The following NR5A2 variants were observed in gnomAD, a reference collection of about 807,000 sequenced individuals.
NR5A2 encodes CYP7A promoter-binding factor.
Under a neutral mutation model 62.7 loss-of-function variants are expected in NR5A2, and 26 were observed. That is an observed-to-expected ratio of 0.41 (90% CI 0.30 to 0.58). The LOEUF (loss-of-function observed/expected upper bound fraction) is 0.58. Among genes scored for constraint, NR5A2 ranks in the 20% least tolerant of loss-of-function variants. The probability of loss-of-function intolerance (pLI) is 0.22; values close to 1 mark genes in which losing one functional copy is unlikely to be tolerated. For synonymous variants in NR5A2, 246 were observed against 241.7 expected, an observed-to-expected ratio of 1.02 and a Z score of -0.16; for missense variants, 541 against 669.1, an observed-to-expected ratio of 0.81 and a Z score of 2.11.
At position 200,043,060 on chromosome 1, in the gene NR5A2, C is replaced by CAG. The variant is rs1558099737; in HGVS notation, c.203-714_203-713insAG. 3.2e-6 allele frequency: 3 copies of CAG among 945,736 alleles called. No individual in the cohort carries two copies. The African/African-American group carries it at 5.3e-5, about 17-fold the overall frequency. 58.6% of individuals were successfully genotyped at this position (945,736 alleles called of 1,614,324 possible). A position where few individuals can be genotyped will look rare whatever the true frequency, so the allele number is the denominator to read the frequency against. ...AAAACCCTTCTGTGTGTCTTTTACT[C>CAG]TTCTGGTATTTTTCCCCGTACGGGC... On this transcript the variant is annotated intron_variant, in intron 2 of 7. Coordinates refer to ENST00000367362, the MANE Select transcript of NR5A2 (RefSeq NM_205860.3).
At chr1:200,112,842 C>T (rs1666021914) in intron 6 of NR5A2, among the ~76,000 whole-genome samples, 1 of 152,144 alleles carries the variant, frequency 6.6e-6, no homozygotes, top group African/African-American at 2.4e-5. Flanking sequence ...CTAGGAGCTG[C>T]ATTGGAAGTA....
chr1:200,147,546 T>C lies in NR5A2; in HGVS notation c.1379-26417T>C. The C allele has an allele frequency of 1.4e-6, 1 of 691,040 alleles. No homozygotes were observed. The highest frequency in any genetic ancestry group is 1.8e-5 in the Admixed American group (1 of 55,698). 42.8% of individuals were successfully genotyped at this position (691,040 alleles called of 1,614,324 possible). A position where few individuals can be genotyped will look rare whatever the true frequency, so the allele number is the denominator to read the frequency against. ...TTTGCTGTTTCTGTGATTTCCTTGG[T>C]TTCTCCATTGGTGTGCTTAAAGCGA... On this transcript the variant is annotated intron_variant, in intron 7 of 7. Coordinates refer to ENST00000367362, the MANE Select transcript of NR5A2 (RefSeq NM_205860.3). The surrounding 1 kb of genome is among the most constrained non-coding windows in gnomAD (Gnocchi z 4.9).
intron 1 of NR5A2, among the ~76,000 whole-genome samples, chr1:200,037,850 G>A (rs1275700953): frequency 3.3e-5 from 5 of 152,192 alleles, no homozygotes; most frequent in Non-Finnish European, 5.9e-5. Flanking sequence ...CCAGGTGTGG[G>A]TGGGTGATGA....
chr1:200,064,860 A>G (rs1663397408), intron 5 of NR5A2, among the ~76,000 whole-genome samples: 1 of 152,054 alleles, frequency 6.6e-6, no homozygotes, highest in South Asian at 2.1e-4. Context: ...CCTCTAGGTA[A>G]ATTTTGGTTA....
At chr1:200,133,588 C>T (rs185566564) in intron 7 of NR5A2, among the ~76,000 whole-genome samples, 2 of 123,646 alleles carry the variant, frequency 1.6e-5, no homozygotes, top group East Asian at 2.7e-4. Flanking sequence ...TATATATACA[C>T]ATATATATAT....
chr1:200,173,992 G>C lies in NR5A2; in HGVS notation c.1408G>C (p.Val470Leu). The change falls in exon 8 of 8, where the codon GTA (valine) becomes CTA (leucine). Residue 470 changes from valine (V) to leucine (L), a missense_variant. Around this residue, in one of 3 missense-constraint regions of NR5A2, gnomAD observed 379 missense variants for 442.0 expected, o/e 0.86. Coordinates refer to ENST00000367362, the MANE Select transcript of NR5A2 (RefSeq NM_205860.3). ...CAAAAACCTTGAAAACTTCCAGCTG[G>C]TAGAAGGTGTCCAGGAACAAGTCAA... ...DVKNLENFQLVEGVQEQVNAA... is the reference protein window; with the variant it reads ...DVKNLENFQLLEGVQEQVNAA... 1 of 1,517,678 alleles carries C rather than the reference G, an allele frequency of 6.6e-7. No individual in the cohort carries two copies. Among genetic ancestry groups the C allele is most frequent in the Admixed American group, 2.0e-5 (1 of 49,336 alleles). The allele number at this position is 1,517,678 out of a possible 1,614,324, so 94.0% of individuals were successfully genotyped here. A position where few individuals can be genotyped will look rare whatever the true frequency, so the allele number is the denominator to read the frequency against.
intron 6 of NR5A2, among the ~76,000 whole-genome samples, chr1:200,114,026 C>CA (rs1044692708): frequency 6.6e-6 from 1 of 151,794 alleles, no homozygotes; most frequent in Non-Finnish European, 1.5e-5. Flanking sequence ...ACTAAAAATA[C>CA]AAAAAAATTA....
At position 200,091,488 on chromosome 1, in the gene NR5A2, T is replaced by C. The variant is rs1196752175; in HGVS notation, c.1111-19714T>C. ...TCCTTACCCTTTGCTCTCTTTCTTT[T>C]TTTTTTTTTTTTTTGAGACAGAGTC... On this transcript the variant is annotated intron_variant, in intron 5 of 7. Coordinates refer to ENST00000367362, the MANE Select transcript of NR5A2 (RefSeq NM_205860.3). Among the ~76,000 whole-genome samples the C allele has an allele frequency of 2.0e-5, 3 of 149,228 alleles. No individual in the cohort carries two copies. The South Asian group carries it at 6.5e-4, about 32-fold the overall frequency.
At chr1:200,120,664 T>C (rs1056872117) in intron 6 of NR5A2, 144 bp from the exon 7 acceptor site, 1 of 825,644 alleles carries the variant, frequency 1.2e-6, no homozygotes, top group East Asian at 3.3e-5. Context: ...TCAAGACCAG[T>C]CTGGTCAAAT....
chr1:200,042,823 GCATAGTTTGT>G, intron 2 of NR5A2: 1 of 985,560 alleles, frequency 1.0e-6, no homozygotes, highest in Non-Finnish European at 1.2e-6. Context: ...CCCTTCCTGT[GCATAGTTTGT>G]CATCTTTTTA....
intron 4 of NR5A2, among the ~76,000 whole-genome samples, chr1:200,046,366 T>TAGAG (rs1662363164): frequency 6.6e-6 from 1 of 152,194 alleles, no homozygotes; most frequent in Non-Finnish European, 1.5e-5. Context: ...TATGGTATGT[T>TAGAG]GCTGCTTTCT....
At chr1:200,079,026 G>A (rs149624363) in intron 5 of NR5A2, among the ~76,000 whole-genome samples, 243 of 152,226 alleles carry the variant, frequency 1.6e-3, no homozygotes, top group Middle Eastern at 6.8e-3. Flanking sequence ...CAACTATAAG[G>A]CATGATCAAG....
rs565051016 is a variant in NR5A2 at position 200,162,407 on chromosome 1, T to C, written c.1379-11556T>C. Among the ~76,000 whole-genome samples, 131 of 152,086 alleles carry C rather than the reference T, an allele frequency of 8.6e-4. 1 individual carries two copies. The highest frequency in any genetic ancestry group is 3.4e-3 in the Middle Eastern group (1 of 294). ...TACTGGCCAGGCACATTCAAGAAAC[T>C]GAAAGAAGTTGGTGGGTGGGGTGAA... On this transcript the variant is annotated intron_variant, in intron 7 of 7. Coordinates refer to ENST00000367362, the MANE Select transcript of NR5A2 (RefSeq NM_205860.3).
chr1:200,119,311 C>A (rs1429142011), intron 6 of NR5A2, among the ~76,000 whole-genome samples: 2 of 152,188 alleles, frequency 1.3e-5, no homozygotes, highest in Non-Finnish European at 2.9e-5. Context: ...GAAGCAAGTG[C>A]AGTCAATTAT....
intron 4 of NR5A2, among the ~76,000 whole-genome samples, chr1:200,047,383 G>A (rs181809116): frequency 3.9e-5 from 6 of 152,120 alleles, no homozygotes; most frequent in Non-Finnish European, 7.3e-5. Flanking sequence ...CAACAAGGTG[G>A]CCAAAATGGC....
At chr1:200,049,216 T>C (rs1324401330) in intron 5 of NR5A2, among the ~76,000 whole-genome samples, 1 of 152,218 alleles carries the variant, frequency 6.6e-6, no homozygotes, top group Non-Finnish European at 1.5e-5. Flanking sequence ...TGGTGTCATC[T>C]TGAAGGTTTC....
At chr1:200,146,937 T>G (rs1307622203) in intron 7 of NR5A2, among the ~76,000 whole-genome samples, 1 of 151,218 alleles carries the variant, frequency 6.6e-6, no homozygotes, top group Admixed American at 6.6e-5. Flanking sequence ...TGTATCCTTA[T>G]GTATGTATCC....
intron 5 of NR5A2, among the ~76,000 whole-genome samples, chr1:200,066,056 G>A (rs1366924236): frequency 6.6e-6 from 1 of 152,166 alleles, no homozygotes; most frequent in East Asian, 1.9e-4. Context: ...AAGCAATGGA[G>A]TGATTTCATC....
chr1:200,046,591 C>T (rs755013079), intron 4 of NR5A2, among the ~76,000 whole-genome samples: 4 of 152,050 alleles, frequency 2.6e-5, no homozygotes, highest in Non-Finnish European at 5.9e-5. Flanking sequence ...ATAGCTAACA[C>T]GCTTCTTCCG....
Sources: allele counts gnomAD v4.1 joint callset (sites outside exome capture counted in the v4.1 genomes callset), GRCh38; gene constraint gnomAD v4.1.1; regional missense constraint gnomAD v4.1.1; non-coding constraint Gnocchi (gnomAD v3.1); transcripts MANE v1.5; gene names NCBI Gene and HGNC (gene_info 2026-07-23, HGNC 2026-07-21).